Variants in TSG101 observed in about 807,000 individuals in gnomAD.
The protein encoded by TSG101 is tumor susceptibility gene 101 protein.
Under a neutral mutation model 48.5 loss-of-function variants are expected in TSG101, and 19 were observed. The ratio of observed to expected loss-of-function variants is 0.39; its 90% confidence interval spans 0.27 to 0.58. TSG101 has a LOEUF of 0.58. Among genes scored for constraint, TSG101 ranks in the 20% least tolerant of loss-of-function variants. TSG101 has a pLI of 0.55. For synonymous variants in TSG101, 174 were observed against 169.4 expected (o/e 1.03, Z -0.21); for missense variants, 365 against 484.4 (o/e 0.75, Z 2.31).
chr11:18,520,132 G>T (rs1456882777), intron 1 of TSG101, among the ~76,000 whole-genome samples: 1 of 152,098 alleles, frequency 6.6e-6, no homozygotes, highest in Non-Finnish European at 1.5e-5. Flanking sequence ...CTACAGATTT[G>T]CTTATTCATA....
chr11:18,498,048 C>T (rs1849811013), intron 7 of TSG101, among the ~76,000 whole-genome samples: 3 of 150,532 alleles, frequency 2.0e-5, no homozygotes, highest in African/African-American at 7.4e-5. Context: ...ATATACCAAG[C>T]ACTCTTCTGG....
intron 6 of TSG101, among the ~76,000 whole-genome samples, chr11:18,506,281 T>C (rs1326837025): frequency 6.6e-6 from 1 of 151,892 alleles, no homozygotes; most frequent in Non-Finnish European, 1.5e-5. Flanking sequence ...GATCTTGAAG[T>C]CCTTTTAAGA....
At position 18,517,135 on chromosome 11, in the gene TSG101, C is replaced by T. The variant is rs892369064; in HGVS notation, c.128-971G>A. Among the ~76,000 whole-genome samples, 10 of 151,598 alleles carry T rather than the reference C, an allele frequency of 6.6e-5. 1 individual carries two copies. The South Asian group carries it at 2.1e-3, about 32-fold the overall frequency. Reference sequence around the variant, plus strand: ...ACTCTAGGCTCAAGCAATCCTCCCACCTCAGCCTTCCGTGTAGCTGGGACT... The same window carrying T: ...ACTCTAGGCTCAAGCAATCCTCCCATCTCAGCCTTCCGTGTAGCTGGGACT... On this transcript the variant is annotated intron_variant, in intron 2 of 9. Coordinates refer to ENST00000251968, the MANE Select transcript of TSG101 (RefSeq NM_006292.4).
chr11:18,520,076 C>A (rs1267300261), intron 1 of TSG101, among the ~76,000 whole-genome samples: 1 of 152,208 alleles, frequency 6.6e-6, no homozygotes, highest in African/African-American at 2.4e-5. Flanking sequence ...CCCCATTCTA[C>A]TTGTCCCCAG....
intron 3 of TSG101, 47 bp from the exon 4 acceptor site, chr11:18,514,888 A>G (rs764088575): frequency 6.8e-7 from 1 of 1,479,350 alleles, no homozygotes; most frequent in Admixed American, 2.7e-5. Context: ...TATTATTTTT[A>G]AATTGAAGAA....
chr11:18,488,491 G>C (rs1849652105), intron 7 of TSG101, among the ~76,000 whole-genome samples: 1 of 152,004 alleles, frequency 6.6e-6, no homozygotes, highest in Non-Finnish European at 1.5e-5. Flanking sequence ...GACCTGGTGA[G>C]GGGCACTAAA....
In TSG101 at chr11:18,509,581, C is replaced by A. The variant is rs1850044298; in HGVS notation, c.442G>T (p.Ala148Ser). 6.2e-7 allele frequency: 1 copy of A among 1,613,460 alleles called. No homozygotes were observed. Among genetic ancestry groups the A allele is most frequent in the African/African-American group, 1.3e-5 (1 of 74,856 alleles). Residue 148 changes from alanine (A) to serine (S), a missense_variant, in exon 5 of 10, where the codon GCA becomes TCA. Ala to Ser is a moderately conservative substitution (Grantham distance 99). Coordinates refer to ENST00000251968, the MANE Select transcript of TSG101 (RefSeq NM_006292.4). ...GTTGCCTGGTATGGCGGATAGGATG[C>A]CGAAATAGGACGAGAGAAGACTGGA... Reference protein sequence around the residue: ...EPPVFSRPISASYPPYQATGP... With the variant: ...EPPVFSRPISSSYPPYQATGP...
In TSG101 at chr11:18,502,591, C is replaced by T. The variant is rs1284623138; in HGVS notation, c.549-14G>A. 1 of 1,594,516 alleles carries T rather than the reference C, an allele frequency of 6.3e-7. No homozygotes were observed. Among genetic ancestry groups the T allele is most frequent in the Non-Finnish European group, 8.6e-7 (1 of 1,167,328 alleles). On this transcript the variant is annotated splice_polypyrimidine_tract_variant and intron_variant, in intron 6 of 9. Coordinates refer to ENST00000251968, the MANE Select transcript of TSG101 (RefSeq NM_006292.4). ...CCTGGGTAACCACTAAAGACAAGAA[C>T]AAAAAACATTTAACATTTAAGATGA...
At chr11:18,481,005 G>T (rs1849528627) in intron 9 of TSG101, among the ~76,000 whole-genome samples, 1 of 152,138 alleles carries the variant, frequency 6.6e-6, no homozygotes, top group Non-Finnish European at 1.5e-5. Flanking sequence ...ACAGTGAGAG[G>T]AGATAGGCAA....
chr11:18,482,140 T>C (rs1399184299), intron 8 of TSG101, among the ~76,000 whole-genome samples: 3 of 152,212 alleles, frequency 2.0e-5, no homozygotes, highest in Non-Finnish European at 2.9e-5. Context: ...CAAATGATAC[T>C]GCAAACTAAG....
chr11:18,491,253 A>G (rs1467492774), intron 7 of TSG101, among the ~76,000 whole-genome samples: 3 of 151,868 alleles, frequency 2.0e-5, no homozygotes, highest in African/African-American at 7.3e-5. Flanking sequence ...GACTAATTAG[A>G]GTGTTCTTTA....
chr11:18,507,016 A>G (rs1002337496), intron 5 of TSG101, 93 bp from the exon 6 acceptor site: 8 of 964,892 alleles, frequency 8.3e-6, no homozygotes, highest in Non-Finnish European at 1.1e-5. Flanking sequence ...GTCAATACAC[A>G]GCAAAATTTC....
At chr11:18,509,136 C>T (rs896860095) in intron 5 of TSG101, among the ~76,000 whole-genome samples, 12 of 152,280 alleles carry the variant, frequency 7.9e-5, no homozygotes, top group Admixed American at 2.0e-4. Flanking sequence ...TGAATGTGAA[C>T]GCTTCAGTTG....
At chr11:18,487,536 AT>A (rs920271008) in intron 7 of TSG101, among the ~76,000 whole-genome samples, 4 of 151,996 alleles carry the variant, frequency 2.6e-5, no homozygotes, top group East Asian at 1.9e-4. Context: ...AACCATTAAA[AT>A]TTTTTTTCTA....
chr11:18,525,612 C>T, intron 1 of TSG101: 1 of 799,826 alleles, frequency 1.3e-6, no homozygotes, highest in Non-Finnish European at 1.5e-6. Flanking sequence ...AAACAATATA[C>T]CGTTTTTTTC....
At chr11:18,495,923 C>CAA (rs36092798) in intron 7 of TSG101, among the ~76,000 whole-genome samples, 5,135 of 105,766 alleles carry the variant, frequency 0.049, 225 homozygotes, top group East Asian at 0.22. Flanking sequence ...GACTCCGTCT[C>CAA]AAAAAAAAAA....
At chr11:18,525,708 G>T in intron 1 of TSG101, 7 of 984,320 alleles carry the variant, frequency 7.1e-6, no homozygotes, top group Non-Finnish European at 7.2e-6. Flanking sequence ...TATAACTAAG[G>T]ATAACAAGTT....
chr11:18,493,032 G>A (rs1361527598), intron 7 of TSG101, among the ~76,000 whole-genome samples: 1 of 152,106 alleles, frequency 6.6e-6, no homozygotes, highest in East Asian at 1.9e-4. Flanking sequence ...GCTATAACAA[G>A]AATAAGAAGA....
rs778397984 is a variant in TSG101, at chr11:18,481,876, ACAG to A, written c.844-10_844-8del. 1.6e-5 allele frequency: 25 copies of A among 1,611,948 alleles called. No individual in the cohort carries two copies. The highest frequency in any genetic ancestry group is 2.0e-5 in the Non-Finnish European group (24 of 1,179,982). Reference sequence around the variant, plus strand: ...TGTTTTTATCAACCTCGGCCTGAAAACAGAACAGTCCAAGCATTAATAACTGTA... The same window carrying A: ...TGTTTTTATCAACCTCGGCCTGAAAAAACAGTCCAAGCATTAATAACTGTA... On this transcript the variant is annotated splice_polypyrimidine_tract_variant and splice_region_variant and intron_variant, in intron 8 of 9. Transcript: ENST00000251968.
Sources: gnomAD v4.1 joint callset for allele counts (sites outside exome capture counted in the v4.1 genomes callset) on GRCh38, gnomAD v4.1.1 for gene constraint, MANE v1.5 for transcripts, NCBI Gene and HGNC (gene_info 2026-07-23, HGNC 2026-07-21) for gene names.